Variants in WDPCP observed in about 807,000 individuals in gnomAD.
The protein encoded by WDPCP is WD repeat containing planar cell polarity effector, also known as WD repeat-containing and planar cell polarity effector protein fritz homolog.
In WDPCP, 71 loss-of-function variants were observed where a neutral mutation model predicts 93.1. The ratio of observed to expected loss-of-function variants is 0.76; its 90% confidence interval spans 0.63 to 0.93. The LOEUF (loss-of-function observed/expected upper bound fraction) is 0.93. WDPCP is among the 40% of genes least tolerant of loss of function. WDPCP has a pLI of 0.00. For synonymous variants in WDPCP, 315 were observed against 315.0 expected (o/e 1.00, Z 0.00); for missense variants, 844 against 887.4 (o/e 0.95, Z 0.62).
intron 2 of WDPCP, among the ~76,000 whole-genome samples, chr2:63,695,748 G>A (rs1174544305): frequency 1.3e-5 from 2 of 152,108 alleles, no homozygotes; most frequent in Non-Finnish European, 2.9e-5. Flanking sequence ...AACCCAAAAT[G>A]TTATCCACCC....
intron 3 of WDPCP, among the ~76,000 whole-genome samples, chr2:63,616,972 G>C (rs545579661): frequency 1.3e-5 from 2 of 152,190 alleles, no homozygotes; most frequent in African/African-American, 4.8e-5. Context: ...TAAAGCTGGA[G>C]TAGGTGGAAA....
intron 2 of WDPCP, among the ~76,000 whole-genome samples, chr2:63,652,971 C>T (rs1318583669): frequency 6.6e-6 from 1 of 152,144 alleles, no homozygotes; most frequent in South Asian, 2.1e-4. Context: ...AACAACCATT[C>T]TCAGATATTG....
intron 2 of WDPCP, among the ~76,000 whole-genome samples, chr2:63,689,176 G>A (rs1389353977): frequency 2.0e-5 from 3 of 152,106 alleles, no homozygotes; most frequent in African/African-American, 4.8e-5. Flanking sequence ...ATTATTACTA[G>A]GGTCTGTTTT....
At chr2:63,277,791 C>T (rs528515136) in intron 13 of WDPCP, among the ~76,000 whole-genome samples, 1 of 152,230 alleles carries the variant, frequency 6.6e-6, no homozygotes, top group East Asian at 1.9e-4. Context: ...AGATAGATGG[C>T]AACACAATAA....
intron 6 of WDPCP, among the ~76,000 whole-genome samples, chr2:63,456,150 G>A (rs1326350017): frequency 6.6e-6 from 1 of 152,154 alleles, no homozygotes; most frequent in East Asian, 1.9e-4. Context: ...AGGCGAGGTG[G>A]CTCACGCTGT....
chr2:63,199,372 TC>T (rs1559195730), intron 14 of WDPCP, among the ~76,000 whole-genome samples: 2 of 152,180 alleles, frequency 1.3e-5, no homozygotes, highest in Non-Finnish European at 2.9e-5. Context: ...GCCCCTCCTA[TC>T]ACAAGCCTGG....
At chr2:63,360,806 T>C (rs1690389079) in intron 12 of WDPCP, among the ~76,000 whole-genome samples, 1 of 152,212 alleles carries the variant, frequency 6.6e-6, no homozygotes, top group South Asian at 2.1e-4. Context: ...TTTTCTTCCA[T>C]TCCAGCTGCA....
chr2:63,536,826 C>T (rs547874450), intron 1 of WDPCP, among the ~76,000 whole-genome samples: 12 of 120,456 alleles, frequency 1.0e-4, no homozygotes, highest in African/African-American at 3.3e-4. Context: ...AGTGCAGTGG[C>T]GCGATCTTGG....
intron 17 of WDPCP, among the ~76,000 whole-genome samples, chr2:63,147,130 A>G (rs1453676191): frequency 6.6e-6 from 1 of 152,150 alleles, no homozygotes; most frequent in African/African-American, 2.4e-5. Flanking sequence ...ATAAAACTGG[A>G]AAGCACAGGT....
intron 13 of WDPCP, among the ~76,000 whole-genome samples, chr2:63,280,439 C>T (rs1683447438): frequency 6.6e-6 from 1 of 152,188 alleles, no homozygotes; most frequent in South Asian, 2.1e-4. Flanking sequence ...CCTCCCACAA[C>T]ACGTGGGAAT....
intron 9 of WDPCP, among the ~76,000 whole-genome samples, chr2:63,418,219 A>T (rs1400388223): frequency 2.0e-5 from 3 of 152,160 alleles, no homozygotes; most frequent in African/African-American, 7.2e-5. Context: ...CTCATCTTAT[A>T]TTCATGCAGC....
intron 2 of WDPCP, among the ~76,000 whole-genome samples, chr2:63,652,770 T>TCAGGTAC (rs140770): frequency 0.79 from 120,035 of 151,628 alleles, 47,983 homozygotes; most frequent in East Asian, 0.98. Context: ...GTTGGAAAAC[T>TCAGGTAC]TAAGTCCAAC....
intron 13 of WDPCP, among the ~76,000 whole-genome samples, chr2:63,261,127 T>G (rs116663898): frequency 1.8e-4 from 27 of 152,144 alleles, no homozygotes; most frequent in Non-Finnish European, 3.8e-4. Flanking sequence ...TTGTTTGAAT[T>G]GCAAGTAATG....
intron 2 of WDPCP, among the ~76,000 whole-genome samples, chr2:63,736,603 T>TG (rs1669643240): frequency 6.6e-6 from 1 of 152,158 alleles, no homozygotes; most frequent in South Asian, 2.1e-4. Context: ...ATTGCAGAAA[T>TG]GAAGGAAAAG....
Position 63,484,465 on chromosome 2 carries a change from C to T in WDPCP, c.384+139G>A, listed in dbSNP as rs1377871941. ...AATCTGTCTAATGTTAGCTCTAGAA[C>T]AACTAGAATTCAAACTATGAAATAA... On this transcript the variant is annotated intron_variant, in intron 6 of 17. Transcript: ENST00000272321. The T allele has an allele frequency of 1.6e-5, 14 of 896,476 alleles. No homozygotes were observed. In the Admixed American group the frequency reaches 2.8e-4, roughly 18 times the overall value. The allele number at this position is 896,476 out of a possible 1,614,324, so 55.5% of individuals were successfully genotyped here.
chr2:63,313,164 G>A, intron 13 of WDPCP, 84 bp downstream of exon 13: 1 of 1,315,436 alleles, frequency 7.6e-7, no homozygotes, highest in East Asian at 2.4e-5. Flanking sequence ...GCTGCAAAAT[G>A]ACAGTAATCC....
intron 12 of WDPCP, among the ~76,000 whole-genome samples, chr2:63,360,366 T>C (rs756730618): frequency 4.6e-5 from 7 of 152,240 alleles, no homozygotes; most frequent in Non-Finnish European, 7.3e-5. Flanking sequence ...TGACAAAAGC[T>C]AATCAAGAAG....
At chr2:63,615,475 G>A (rs1164379713) in intron 3 of WDPCP, among the ~76,000 whole-genome samples, 2 of 152,134 alleles carry the variant, frequency 1.3e-5, no homozygotes, top group Non-Finnish European at 2.9e-5. Flanking sequence ...AGGGGTGGGG[G>A]CTGCCAGAGA....
intron 14 of WDPCP, among the ~76,000 whole-genome samples, chr2:63,249,918 T>C (rs964689429): frequency 1.3e-5 from 2 of 152,230 alleles, no homozygotes; most frequent in Non-Finnish European, 2.9e-5. Context: ...GCTGTAACTT[T>C]TGCAGTTTGA....
Sources: allele counts gnomAD v4.1 joint callset (sites outside exome capture counted in the v4.1 genomes callset), GRCh38; gene constraint gnomAD v4.1.1; transcripts MANE v1.5; gene names NCBI Gene and HGNC (gene_info 2026-07-23, HGNC 2026-07-21).